Variants in TSNARE1 observed in about 807,000 individuals in gnomAD.
TSNARE1 encodes t-SNARE domain containing 1.
Under a neutral mutation model 62.0 loss-of-function variants are expected in TSNARE1, and 49 were observed. The ratio of observed to expected loss-of-function variants is 0.79; its 90% CI spans 0.63 to 1.00. The LOEUF (loss-of-function observed/expected upper bound fraction) is 1.00. Ranked by LOEUF, TSNARE1 falls within the 50% of genes least tolerant of loss-of-function variation. The pLI is 0.00. For missense variants in TSNARE1, 755 were observed against 700.1 expected (o/e 1.08, Z -0.88); for synonymous variants, 328 against 294.4 (o/e 1.11, Z -1.17).
At position 142,239,055 on chromosome 8, in the gene TSNARE1, T is replaced by C. The variant is rs369961081; in HGVS notation, c.1447-9476A>G. ...AATGTGCAGATGCACCAGCTGGGCC[T>C]AGGGGTGGGATGTGGGAGCCAGAGG... On this transcript the variant is annotated intron_variant, in intron 12 of 13. Coordinates refer to ENST00000524325, the MANE Select transcript of TSNARE1 (RefSeq NM_145003.5). Among the ~76,000 whole-genome samples the C allele has an allele frequency of 3.3e-5, 5 of 152,102 alleles. No individual in the cohort carries two copies. The East Asian group carries it at 7.7e-4, about 23-fold the overall frequency.
chr8:142,286,417 C>T (rs954636554), intron 10 of TSNARE1, among the ~76,000 whole-genome samples: 10 of 152,196 alleles, frequency 6.6e-5, no homozygotes, highest in South Asian at 6.2e-4. Context: ...TAAACTGACA[C>T]GTAGTATCAA....
At chr8:142,284,167 C>CTGTCAATGAGCAGAGCAGGGACCAG (rs1279378015) in intron 11 of TSNARE1, among the ~76,000 whole-genome samples, 1 of 152,194 alleles carries the variant, frequency 6.6e-6, no homozygotes, top group African/African-American at 2.4e-5. Context: ...GGGCCAGTGT[C>CTGTCAATGAGCAGAGCAGGGACCAG]TGTCAATGAG....
At chr8:142,280,025 C>A (rs1586984498) in intron 11 of TSNARE1, 2 of 1,222,090 alleles carry the variant, frequency 1.6e-6, no homozygotes, top group Non-Finnish European at 2.1e-6. Context: ...TGCTTGAGGT[C>A]CCCCAGGTCG....
chr8:142,379,544 G>C lies in TSNARE1; in HGVS notation c.-40+23560C>G, dbSNP rs116918444. ...GGGAACGGGGCGGGGAGGCCCACTT[G>C]TCCTTACACCTTCGTTTCCTAATTC... On this transcript the variant is annotated intron_variant, in intron 1 of 13. Transcript: ENST00000524325. Among the ~76,000 whole-genome samples the C allele has an allele frequency of 7.8e-3, 1,184 of 152,350 alleles. 24 individuals are homozygous for C. Among genetic ancestry groups the C allele is most frequent in the South Asian group, 0.074 (355 of 4,828 alleles).
chr8:142,254,374 C>A (rs1818323615), intron 12 of TSNARE1, among the ~76,000 whole-genome samples: 1 of 152,210 alleles, frequency 6.6e-6, no homozygotes, highest in South Asian at 2.1e-4. Context: ...TCCCATCTAC[C>A]AGCTCAGAGG....
chr8:142,220,122 C>T (rs1816139992), intron 13 of TSNARE1, among the ~76,000 whole-genome samples: 1 of 152,190 alleles, frequency 6.6e-6, no homozygotes, highest in African/African-American at 2.4e-5. Flanking sequence ...TAACGCAGCC[C>T]GCAAGAGTAG....
intron 13 of TSNARE1, among the ~76,000 whole-genome samples, chr8:142,221,718 CACTCATTCACTCACTCATT>C (rs2129917208): frequency 6.9e-6 from 1 of 145,756 alleles, no homozygotes; most frequent in East Asian, 2.1e-4. Context: ...TCCACTCACT[CACTCATTCACTCACTCATT>C]CACTCACTCA....
chr8:142,276,817 C>T (rs567250875), intron 11 of TSNARE1: 16 of 985,288 alleles, frequency 1.6e-5, no homozygotes, highest in East Asian at 1.1e-4. Flanking sequence ...AGACCCAGGG[C>T]GGTCCCAGGG....
chr8:142,279,633 C>T (rs1395301519), intron 11 of TSNARE1, among the ~76,000 whole-genome samples: 1 of 152,202 alleles, frequency 6.6e-6, no homozygotes, highest in Non-Finnish European at 1.5e-5. Flanking sequence ...CGCAGCCCTT[C>T]CACTACCGAG....
chr8:142,282,987 G>C (rs1316860875), intron 11 of TSNARE1, among the ~76,000 whole-genome samples: 1 of 150,312 alleles, frequency 6.7e-6, no homozygotes, highest in African/African-American at 2.5e-5. Flanking sequence ...GGGCAAAGGC[G>C]GGGTCAGTGT....
chr8:142,236,281 T>A (rs1817418142), intron 12 of TSNARE1, among the ~76,000 whole-genome samples: 2 of 145,912 alleles, frequency 1.4e-5, no homozygotes, highest in African/African-American at 5.1e-5. Context: ...TGCCACGGGT[T>A]CAGGGCAGGG....
At chr8:142,266,588 C>T (rs1269739107) in intron 12 of TSNARE1, among the ~76,000 whole-genome samples, 3 of 152,310 alleles carry the variant, frequency 2.0e-5, no homozygotes, top group East Asian at 1.9e-4. Flanking sequence ...TGTGAAATGT[C>T]GGCAAATTTG....
chr8:142,272,062 C>A (rs2058343789), intron 12 of TSNARE1, among the ~76,000 whole-genome samples: 1 of 152,076 alleles, frequency 6.6e-6, no homozygotes, highest in Non-Finnish European at 1.5e-5. Context: ...TATTCCTCCA[C>A]ATAGACACGC....
intron 13 of TSNARE1, among the ~76,000 whole-genome samples, chr8:142,222,121 T>TTTACTCACTCGTCCACTCATTCAC (rs1554623967): frequency 9.3e-6 from 1 of 107,344 alleles, no homozygotes; most frequent in African/African-American, 3.8e-5. Flanking sequence ...CATCCACTCA[T>TTTACTCACTCGTCCACTCATTCAC]TCACTCACTC....
rs1816401314 is a variant in TSNARE1 at position 142,222,594 on chromosome 8, A to T, written c.*11+6879T>A. On this transcript the variant is annotated intron_variant, in intron 13 of 13. Coordinates refer to ENST00000524325, the MANE Select transcript of TSNARE1 (RefSeq NM_145003.5). ...CACTCAGCCACTCATTCACTCACTC[A>T]TTCATCCACTCACTCATTCATCCAC... Among the ~76,000 whole-genome samples the T allele has an allele frequency of 1.6e-5, 2 of 127,770 alleles. 1 individual carries two copies. The highest frequency in any genetic ancestry group is 3.4e-5 in the Non-Finnish European group (2 of 58,970). 83.8% of individuals were successfully genotyped at this position (127,770 alleles called of 152,430 possible). A position where few individuals can be genotyped will look rare whatever the true frequency, so the allele number is the denominator to read the frequency against.
intron 12 of TSNARE1, 40 bp from the exon 13 acceptor site, chr8:142,229,619 C>T (rs777236256): frequency 1.9e-6 from 3 of 1,587,592 alleles, no homozygotes; most frequent in Admixed American, 1.7e-5. Context: ...TCCTGGTCCT[C>T]CAACCTCCCA....
At chr8:142,340,648 G>T (rs776772768) in intron 4 of TSNARE1, among the ~76,000 whole-genome samples, 10 of 152,228 alleles carry the variant, frequency 6.6e-5, no homozygotes, top group Non-Finnish European at 1.0e-4. Context: ...CTCACCAAAG[G>T]CCCCAGAGCT....
chr8:142,347,351 G>A (rs1407705488), intron 2 of TSNARE1, among the ~76,000 whole-genome samples: 1 of 152,232 alleles, frequency 6.6e-6, no homozygotes, highest in African/African-American at 2.4e-5. Flanking sequence ...AAGTCACAGA[G>A]GGAGGGATCC....
intron 1 of TSNARE1, among the ~76,000 whole-genome samples, chr8:142,370,697 G>A (rs866958628): frequency 7.2e-5 from 11 of 152,076 alleles, no homozygotes; most frequent in Non-Finnish European, 1.3e-4. Flanking sequence ...GAAAACCAAA[G>A]GTTAAAAAAT....
Sources: allele counts gnomAD v4.1 joint callset (sites outside exome capture counted in the v4.1 genomes callset), GRCh38; gene constraint gnomAD v4.1.1; transcripts MANE v1.5; gene names NCBI Gene and HGNC (gene_info 2026-07-23, HGNC 2026-07-21).